MYO1F: variants seen among roughly 807,000 people sequenced by gnomAD.
MYO1F encodes the protein myosin IF, also known as unconventional myosin-If.
In MYO1F, 60 loss-of-function variants were observed where a neutral mutation model predicts 146.6. The ratio of observed to expected loss-of-function variants is 0.41; its 90% CI spans 0.33 to 0.51. The LOEUF (loss-of-function observed/expected upper bound fraction) is 0.51. MYO1F is among the 20% of genes least tolerant of loss of function. The pLI is 0.25. For missense variants in MYO1F, 1,274 were observed against 1,534.3 expected, an observed-to-expected ratio of 0.83 and a Z score of 2.83; for synonymous variants, 602 against 602.1, an observed-to-expected ratio of 1.00 and a Z score of 0.00.
rs201699006 is a variant in MYO1F at position 8,571,407 on chromosome 19, TTCTC to T, written c.3+5896_3+5899del. Among the ~76,000 whole-genome samples the T allele has an allele frequency of 5.4e-3, 808 of 150,924 alleles. 29 individuals carry two copies. The East Asian group carries it at 0.11, about 20-fold the overall frequency. On this transcript the variant is annotated intron_variant, in intron 1 of 27. Coordinates refer to ENST00000644032, the MANE Select transcript of MYO1F (RefSeq NM_012335.4). ...GGGACTGGACTCTGTTTCTTTTCTT[TTCTC>T]TCTCTCTCTCTTTTTTTTTTTTAGA...
At position 8,530,891 on chromosome 19, in the gene MYO1F, G is replaced by T. The variant is rs1972460399; in HGVS notation, c.2044-318C>A. Among the ~76,000 whole-genome samples the T allele has an allele frequency of 6.6e-6, 1 of 151,966 alleles. No individual in the cohort carries two copies. The highest frequency in any genetic ancestry group is 1.5e-5 in the Non-Finnish European group (1 of 67,984). Reference sequence around the variant, plus strand: ...CCCATCTCTACTAAAAATACAAAAAGAAATTAGCTGGGCATGGTGGTAGAT... The same window carrying T: ...CCCATCTCTACTAAAAATACAAAAATAAATTAGCTGGGCATGGTGGTAGAT... On this transcript the variant is annotated intron_variant, in intron 19 of 27. Transcript: ENST00000644032. This position sits in a 1 kb window ranked among gnomAD's most constrained non-coding sequence, Gnocchi z 5.8.
intron 1 of MYO1F, among the ~76,000 whole-genome samples, chr19:8,567,203 A>T (rs538574971): frequency 6.6e-6 from 1 of 151,212 alleles, no homozygotes; most frequent in Non-Finnish European, 1.5e-5. Flanking sequence ...AGTAGCTGGG[A>T]TTATAGGCAC....
chr19:8,533,166 G>A (rs1378969298), intron 19 of MYO1F, among the ~76,000 whole-genome samples: 1 of 150,066 alleles, frequency 6.7e-6, no homozygotes, highest in Non-Finnish European at 1.5e-5. Flanking sequence ...AGCCACTCAA[G>A]GCTAATTATG....
At chr19:8,560,210 C>T (rs1340343135) in intron 1 of MYO1F, among the ~76,000 whole-genome samples, 11 of 151,724 alleles carry the variant, frequency 7.3e-5, no homozygotes, top group Admixed American at 3.9e-4. Context: ...CTTGGCTGGG[C>T]GCGGTGGCTC....
At position 8,577,355 on chromosome 19, in the gene MYO1F, G is replaced by T. The variant is rs782479857; in HGVS notation, c.-46C>A. ...GCTCCTGGAGGCTCCTGAATGGGTCGTGATGGAGGTGCAGGTTCAGGGGGA... is the reference window on the plus strand; with the variant it reads ...GCTCCTGGAGGCTCCTGAATGGGTCTTGATGGAGGTGCAGGTTCAGGGGGA... On this transcript the variant is annotated 5_prime_UTR_variant, in exon 1 of 28. Transcript: ENST00000644032. This position sits in a 1 kb window ranked among gnomAD's most constrained non-coding sequence, Gnocchi z 4.3. 4 of 1,612,560 alleles carry T rather than the reference G, an allele frequency of 2.5e-6. No individual in the cohort carries two copies. In the Admixed American group the frequency reaches 5.0e-5, roughly 20 times the overall value.
chr19:8,566,217 G>T (rs1047370218), intron 1 of MYO1F, among the ~76,000 whole-genome samples: 1 of 146,154 alleles, frequency 6.8e-6, no homozygotes, highest in Non-Finnish European at 1.5e-5. Flanking sequence ...GCCCAGGCTG[G>T]AGTGCAGTGG....
At chr19:8,545,043 G>A (rs557295414) in intron 13 of MYO1F, among the ~76,000 whole-genome samples, 5 of 152,252 alleles carry the variant, frequency 3.3e-5, no homozygotes, top group Non-Finnish European at 5.9e-5. Flanking sequence ...CTCCCAAAGT[G>A]CTGGGATTAC....
chr19:8,524,825 T>G (rs778354602), intron 25 of MYO1F, among the ~76,000 whole-genome samples: 1 of 151,878 alleles, frequency 6.6e-6, no homozygotes, highest in Non-Finnish European at 1.5e-5. Flanking sequence ...ACGAATGGAA[T>G]GGGAATTTGA....
chr19:8,551,900 T>C, intron 7 of MYO1F, 26 bp from the exon 8 acceptor site: 1 of 1,614,012 alleles, frequency 6.2e-7, no homozygotes, highest in Non-Finnish European at 8.5e-7. Context: ...TGTTCATGCA[T>C]CTGGTGCTTG....
In MYO1F at chr19:8,553,225, C is replaced by G; in HGVS notation, c.418G>C (p.Val140Leu). ...TTGGACTGCAGGATGATATCTTTGA[C>G]GTGCTGGGGCAGAGGCAGGTGGAGT... is the stretch of plus-strand genomic sequence containing the variant. ...VSGGGEKVQH[V>L]KDIILQSNPL... is the part of the protein sequence containing the mutation. Residue 140 changes from valine (V) to leucine (L), a missense_variant, in exon 6 of 28, where the codon GTC (valine) becomes CTC (leucine). Physicochemically the swap from Val to Leu is conservative, Grantham distance 32 (BLOSUM62 1). Transcript: ENST00000644032. The G allele has an allele frequency of 6.2e-7, 1 of 1,614,124 alleles. No homozygotes were observed. Among genetic ancestry groups the G allele is most frequent in the South Asian group, 1.1e-5 (1 of 91,080 alleles).
chr19:8,575,172 G>T (rs1415728645), intron 1 of MYO1F, among the ~76,000 whole-genome samples: 1 of 151,536 alleles, frequency 6.6e-6, no homozygotes, highest in Non-Finnish European at 1.5e-5. Flanking sequence ...CGCCTCCCGG[G>T]TTCAAGCGAT....
chr19:8,571,273 C>T (rs1235655779), intron 1 of MYO1F, among the ~76,000 whole-genome samples: 2 of 152,208 alleles, frequency 1.3e-5, no homozygotes, highest in African/African-American at 4.8e-5. Context: ...TGAGGGTGGC[C>T]CTGGAGCCTT....
chr19:8,529,184 G>A (rs1011031036), intron 21 of MYO1F, among the ~76,000 whole-genome samples: 8 of 152,108 alleles, frequency 5.3e-5, no homozygotes, highest in African/African-American at 1.9e-4. Context: ...ATCCATCCAG[G>A]TAAAGATGGT....
chr19:8,536,592 T>A lies in MYO1F; in HGVS notation c.1805A>T (p.Lys602Met). The A allele has an allele frequency of 6.2e-7, 1 of 1,602,156 alleles. No individual in the cohort carries two copies. Among genetic ancestry groups the A allele is most frequent in the Non-Finnish European group, 8.5e-7 (1 of 1,176,482 alleles). Reference sequence around the variant, plus strand: ...CAGGCCCAGGTATTCCACCTGGTGCTTGACTCTGGTGGGGAGGGTAGGCTG... The same window carrying A: ...CAGGCCCAGGTATTCCACCTGGTGCATGACTCTGGTGGGGAGGGTAGGCTG... Reference protein sequence around the residue: ...RPRDWEENRVKHQVEYLGLKE... With the variant: ...RPRDWEENRVMHQVEYLGLKE... The change falls in exon 18 of 28, where the codon AAG becomes ATG. Residue 602 changes from lysine to methionine, a missense_variant. This residue lies in a region of MYO1F where 900 missense variants were observed against 1,155.1 expected (regional missense o/e 0.78). Coordinates refer to ENST00000644032, the MANE Select transcript of MYO1F (RefSeq NM_012335.4).
intron 19 of MYO1F, 77 bp downstream of exon 19, chr19:8,536,167 GTCTCTCTC>G (rs57614495): frequency 1.5e-6 from 2 of 1,367,764 alleles, no homozygotes; most frequent in Non-Finnish European, 2.0e-6. Context: ...GTCTCCCTCT[GTCTCTCTC>G]TCTCTCTCTC....
chr19:8,553,039 CTCTTG>C, intron 6 of MYO1F, 95 bp downstream of exon 6: 4 of 1,168,282 alleles, frequency 3.4e-6, no homozygotes, highest in African/African-American at 1.5e-5. Flanking sequence ...TTTCAATGGA[CTCTTG>C]TCTTGGCAAT....
At chr19:8,555,629 C>T in intron 2 of MYO1F, 30 bp downstream of exon 2, 2 of 1,613,938 alleles carry the variant, frequency 1.2e-6, no homozygotes, top group Non-Finnish European at 1.7e-6. Context: ...CCTTCCCTGC[C>T]TGCCCACCCC....
At chr19:8,526,397 C>T (rs1458801214) in intron 24 of MYO1F, 56 bp downstream of exon 24, 2 of 1,544,640 alleles carry the variant, frequency 1.3e-6, no homozygotes, top group South Asian at 2.4e-5. Flanking sequence ...CCTTCGTCCA[C>T]TCTTAACCAG....
chr19:8,541,419 G>GTTTTTTTTTTTTTTT (rs1200496185), intron 15 of MYO1F, among the ~76,000 whole-genome samples: 4 of 133,926 alleles, frequency 3.0e-5, no homozygotes, highest in African/African-American at 8.7e-5. Context: ...GTGTGTGTGT[G>GTTTTTTTTTTTTTTT]TGTGTGTTTT....
Sources: allele counts gnomAD v4.1 joint callset (sites outside exome capture counted in the v4.1 genomes callset), GRCh38; gene constraint gnomAD v4.1.1; regional missense constraint gnomAD v4.1.1; non-coding constraint Gnocchi (gnomAD v3.1); transcripts MANE v1.5; gene names NCBI Gene and HGNC (gene_info 2026-07-23, HGNC 2026-07-21).